Variants in JAK1 observed in about 807,000 individuals in gnomAD.
The protein encoded by JAK1 is tyrosine-protein kinase JAK1.
In JAK1, 16 loss-of-function variants were observed where a neutral mutation model predicts 136.6. That is an observed-to-expected ratio of 0.12 (90% CI 0.08 to 0.18). The LOEUF (loss-of-function observed/expected upper bound fraction) is 0.18. JAK1 is among the 10% of genes least tolerant of loss of function. The pLI, the probability that JAK1 is intolerant of heterozygous loss-of-function variation, is 1.00. For synonymous variants in JAK1, 492 were observed against 519.5 expected, an observed-to-expected ratio of 0.95 and a Z score of 0.72; for missense variants, 859 against 1,450.1, an observed-to-expected ratio of 0.59 and a Z score of 6.62.
intron 1 of JAK1, among the ~76,000 whole-genome samples, chr1:64,962,567 G>A (rs1646300501): frequency 6.6e-6 from 1 of 152,146 alleles, no homozygotes; most frequent in Non-Finnish European, 1.5e-5. Flanking sequence ...GTGCACCTCA[G>A]AGGAAAGAAT....
At chr1:64,968,584 T>C (rs1230858845), upstream of JAK1, among the ~76,000 whole-genome samples, 2 of 150,988 alleles carry the variant, frequency 1.3e-5, no homozygotes, top group Non-Finnish European at 3.0e-5. Context: ...AGGCCAGGAG[T>C]TTGACACCAA....
At position 65,036,659 on chromosome 1, in the gene JAK1, T is replaced by C. The variant is rs190936820; in HGVS notation, c.-78+7821A>G. ...TTTGCAACCAAGTGAGTTCTAATTA[T>C]TCTACAAAGTATTTCAAGAGTAAAG... On this transcript the variant is annotated intron_variant, in intron 2 of 25. Coordinates refer to the JAK1 transcript ENST00000671954. 6.8e-4 allele frequency among the ~76,000 whole-genome samples: 101 copies of C among 149,624 alleles called. 1 individual carries two copies. Among genetic ancestry groups the C allele is most frequent in the Middle Eastern group, 3.5e-3 (1 of 284 alleles).
At chr1:64,870,043 G>A (rs1656982093) in intron 5 of JAK1, among the ~76,000 whole-genome samples, 1 of 152,190 alleles carries the variant, frequency 6.6e-6, no homozygotes, top group Non-Finnish European at 1.5e-5. Context: ...GAGGTGCACA[G>A]CATTCTAAGA....
At chr1:65,047,157 T>C (rs971439465) in intron 1 of JAK1, among the ~76,000 whole-genome samples, 1 of 152,120 alleles carries the variant, frequency 6.6e-6, no homozygotes, top group African/African-American at 2.4e-5. Context: ...CATTGAACTC[T>C]AGCCTGGGTA....
At chr1:65,066,067 G>A (rs929781939) in intron 1 of JAK1, among the ~76,000 whole-genome samples, 2 of 152,044 alleles carry the variant, frequency 1.3e-5, no homozygotes, top group African/African-American at 4.8e-5. Context: ...GGATTGCGGA[G>A]AGGACTAACT....
intron 11 of JAK1, among the ~76,000 whole-genome samples, chr1:64,853,582 T>C (rs567256408): frequency 6.6e-6 from 1 of 152,072 alleles, no homozygotes; most frequent in African/African-American, 2.4e-5. Context: ...TATTAATTAT[T>C]ACTACTGTTC....
chr1:64,843,053 C>G (rs1655007163), intron 17 of JAK1, among the ~76,000 whole-genome samples: 2 of 152,164 alleles, frequency 1.3e-5, no homozygotes. Context: ...AGGCCGACCT[C>G]CAAGCCCCTC....
chr1:64,839,282 T>C (rs1321241014), intron 20 of JAK1, among the ~76,000 whole-genome samples: 3 of 151,360 alleles, frequency 2.0e-5, no homozygotes, highest in Non-Finnish European at 2.9e-5. Flanking sequence ...GAAAATGAAA[T>C]ACCCTGGCTA....
intron 2 of JAK1, chr1:64,990,948 G>GAAA (rs750653890): frequency 8.4e-6 from 1 of 119,590 alleles, no homozygotes; most frequent in Non-Finnish European, 1.8e-5. Flanking sequence ...AAGAAAAGAA[G>GAAA]AAAAAAAAAA....
At chr1:64,854,640 C>A (rs1415395518) in intron 11 of JAK1, among the ~76,000 whole-genome samples, 1 of 151,840 alleles carries the variant, frequency 6.6e-6, no homozygotes. Flanking sequence ...ACATCAGTGA[C>A]GCCATTCAAG....
intron 2 of JAK1, among the ~76,000 whole-genome samples, chr1:64,983,624 C>T (rs1327194167): frequency 6.6e-6 from 1 of 152,118 alleles, no homozygotes; most frequent in Non-Finnish European, 1.5e-5. Flanking sequence ...GGTGGGGTTA[C>T]TTAAAAAGTA....
chr1:65,063,296 T>C (rs1271449683), intron 1 of JAK1, among the ~76,000 whole-genome samples: 1 of 152,192 alleles, frequency 6.6e-6, no homozygotes, highest in East Asian at 1.9e-4. Flanking sequence ...AGGATCCTTT[T>C]ACAAAAGCAG....
At chr1:64,982,770 T>A (rs1387828964) in intron 2 of JAK1, among the ~76,000 whole-genome samples, 1 of 108,738 alleles carries the variant, frequency 9.2e-6, no homozygotes, top group Non-Finnish European at 1.8e-5. Context: ...ATTTTCTGTC[T>A]TTTTTTTTCA....
Position 64,984,834 on chromosome 1 carries a change from G to A in JAK1, c.-78+59646C>T. 8.7e-7 allele frequency: 1 copy of A among 1,151,766 alleles called. No homozygotes were observed. The highest frequency in any genetic ancestry group is 1.3e-6 in the Non-Finnish European group (1 of 767,164). 71.3% of individuals were successfully genotyped at this position (1,151,766 alleles called of 1,614,324 possible). On this transcript the variant is annotated intron_variant, in intron 2 of 25. Transcript: ENST00000671954. This position sits in a 1 kb window ranked among gnomAD's most constrained non-coding sequence, Gnocchi z 4.1. Reference sequence around the variant, plus strand: ...GGCTCCTAAATAGTAAGCAGCAGAAGGGAAAAGCAATCTGACTAGGAAGTT... The same window carrying A: ...GGCTCCTAAATAGTAAGCAGCAGAAAGGAAAAGCAATCTGACTAGGAAGTT...
intron 1 of JAK1, among the ~76,000 whole-genome samples, chr1:65,065,512 G>C (rs946824048): frequency 6.6e-6 from 1 of 151,916 alleles, no homozygotes; most frequent in Non-Finnish European, 1.5e-5. Flanking sequence ...CAAAGAGGAG[G>C]GGAGGGTCGA....
chr1:64,932,721 T>C (rs1379526257), intron 1 of JAK1, among the ~76,000 whole-genome samples: 1 of 152,194 alleles, frequency 6.6e-6, no homozygotes, highest in Non-Finnish European at 1.5e-5. Flanking sequence ...TTTGTTTTTT[T>C]TTATTGACAA....
chr1:65,055,800 G>A (rs1196613245), intron 1 of JAK1, among the ~76,000 whole-genome samples: 2 of 152,168 alleles, frequency 1.3e-5, no homozygotes, highest in Non-Finnish European at 2.9e-5. Flanking sequence ...TTCTTGTTTA[G>A]AGGAAAGGGG....
At chr1:64,839,838 C>T (rs1322035794) in intron 19 of JAK1, 43 bp from the exon 20 acceptor site, 20 of 1,501,386 alleles carry the variant, frequency 1.3e-5, no homozygotes, top group Admixed American at 6.2e-5. Context: ...GAAGCCCCAT[C>T]GTAGGCCACG....
intron 1 of JAK1, among the ~76,000 whole-genome samples, chr1:64,919,018 T>C (rs563466757): frequency 1.4e-5 from 2 of 145,736 alleles, no homozygotes; most frequent in African/African-American, 5.2e-5. Flanking sequence ...TCCTTTTACC[T>C]TTTTTTTTAT....
Sources: gnomAD v4.1 joint callset for allele counts (sites outside exome capture counted in the v4.1 genomes callset) on GRCh38, gnomAD v4.1.1 for gene constraint, Gnocchi (gnomAD v3.1) non-coding constraint, MANE v1.5 for transcripts, NCBI Gene and HGNC (gene_info 2026-07-23, HGNC 2026-07-21) for gene names.